DNAH6: variants seen among roughly 807,000 people sequenced by gnomAD.
The protein encoded by DNAH6 is dynein axonemal heavy chain 6.
DNAH6 carries 340 observed loss-of-function variants against 491.4 expected under a neutral mutation model. The ratio of observed to expected loss-of-function variants is 0.69; its 90% CI spans 0.63 to 0.76. DNAH6 has a LOEUF of 0.76. Ranked by LOEUF, DNAH6 falls within the 30% of genes least tolerant of loss-of-function variation. The probability of loss-of-function intolerance (pLI) is 0.00; values close to 1 mark genes in which losing one functional copy is unlikely to be tolerated. For synonymous variants in DNAH6, 1,603 were observed against 1,686.1 expected (o/e 0.95, Z 1.21); for missense variants, 4,443 against 4,972.2 (o/e 0.89, Z 3.20).
chr2:84,501,294 G>A, the DNAH6 span, among the ~76,000 whole-genome samples: 2 of 152,076 alleles, frequency 1.3e-5, no homozygotes, highest in Non-Finnish European at 2.9e-5. Flanking sequence ...ATATGGTTGT[G>A]TCCTTTCTTC....
At chr2:84,496,026 C>G in the DNAH6 span, among the ~76,000 whole-genome samples, 4 of 152,320 alleles carry the variant, frequency 2.6e-5, no homozygotes, top group African/African-American at 7.2e-5. Flanking sequence ...TCTCCCACTC[C>G]CACCTCCACG....
chr2:84,487,597 T>C, the DNAH6 span, among the ~76,000 whole-genome samples: 1 of 152,240 alleles, frequency 6.6e-6, no homozygotes, highest in East Asian at 1.9e-4. Flanking sequence ...TTATCTCTTG[T>C]ATTAAAGTCA....
chr2:84,808,467 A>G lies in DNAH6; in HGVS notation c.11664A>G (p.Gln3888=). 1 of 1,546,502 alleles carries G rather than the reference A, an allele frequency of 6.5e-7. No individual in the cohort carries two copies. Among genetic ancestry groups the G allele is most frequent in the Non-Finnish European group, 8.7e-7 (1 of 1,145,708 alleles). ...AGAGCCTTTTTGTCAAGGATCTTCA[A>G]GGACGTCTGAACTCCTTGACCACCG... The part of the protein sequence containing the change: ...ASESLFVKDL[Q]GRLNSLTTVL... The change falls in exon 72 of 77, where the codon CAA becomes CAG. Residue 3888 remains glutamine (Q), a synonymous_variant. Transcript: ENST00000389394.
chr2:84,781,409 G>C, intron 64 of DNAH6, 84 bp from the exon 65 acceptor site: 1 of 1,128,724 alleles, frequency 8.9e-7, no homozygotes, highest in Non-Finnish European at 1.2e-6. Flanking sequence ...TCCTAAGCAA[G>C]AGTCTACTGT....
At chr2:84,611,990 A>C in intron 22 of DNAH6, 136 bp downstream of exon 22, 8 of 667,516 alleles carry the variant, frequency 1.2e-5, no homozygotes, top group Non-Finnish European at 1.9e-5. Flanking sequence ...GTCAGCATGG[A>C]TGACTAGGAA....
rs745919843 is a variant in DNAH6 at position 84,577,316 on chromosome 2, G to C, written c.1984G>C (p.Ala662Pro). Residue 662 changes from alanine to proline, a missense_variant, in exon 13 of 77, where the codon GCG becomes CCG. Ala to Pro is a conservative substitution (Grantham distance 27). Coordinates refer to ENST00000389394, the MANE Select transcript of DNAH6 (RefSeq NM_001370.2). ...KYHKQHKDAV[A>P]LRPTRNVGLL... ...TCACAAACAGCACAAGGACGCAGTA[G>C]CGCTCAGACCCACCAGAAATGTAGG... 12 of 1,609,480 alleles carry C rather than the reference G, an allele frequency of 7.5e-6. No homozygotes were observed. Among genetic ancestry groups the C allele is most frequent in the Non-Finnish European group, 8.5e-7 (1 of 1,178,192 alleles).
intron 10 of DNAH6, among the ~76,000 whole-genome samples, chr2:84,557,502 T>C (rs1427598578): frequency 6.7e-6 from 1 of 148,624 alleles, no homozygotes; most frequent in Non-Finnish European, 1.5e-5. Context: ...AAAAAAAAAT[T>C]AGCTGGGCGC....
the DNAH6 span, among the ~76,000 whole-genome samples, chr2:84,481,390 G>C: frequency 6.6e-6 from 1 of 152,174 alleles, no homozygotes; most frequent in Admixed American, 6.5e-5. Flanking sequence ...AAAGAAACAA[G>C]ATGTACTTTG....
chr2:84,658,567 C>A, intron 36 of DNAH6, 93 bp downstream of exon 36: 1 of 933,952 alleles, frequency 1.1e-6, no homozygotes, highest in Non-Finnish European at 1.5e-6. Context: ...AAAATATAAC[C>A]ATTTGATTTT....
intron 37 of DNAH6, among the ~76,000 whole-genome samples, chr2:84,661,247 T>A (rs1158087898): frequency 1.3e-5 from 2 of 152,014 alleles, no homozygotes; most frequent in Admixed American, 6.6e-5. Context: ...GGTCATGAAA[T>A]CAAGTGAAAG....
At chr2:84,570,985 C>T (rs943642232) in intron 11 of DNAH6, among the ~76,000 whole-genome samples, 3 of 152,118 alleles carry the variant, frequency 2.0e-5, no homozygotes, top group Admixed American at 2.0e-4. Flanking sequence ...TAACACTCAC[C>T]GTGAGAGTCC....
At chr2:84,677,492 C>T (rs2104706576) in intron 41 of DNAH6, among the ~76,000 whole-genome samples, 1 of 152,324 alleles carries the variant, frequency 6.6e-6, no homozygotes, top group Non-Finnish European at 1.5e-5. Context: ...TATCCCTAAC[C>T]ACCAGGTCTG....
At position 84,681,432 on chromosome 2, in the gene DNAH6, G is replaced by A; in HGVS notation, c.6820G>A (p.Val2274Ile). 9 of 1,551,544 alleles carry A rather than the reference G, an allele frequency of 5.8e-6. No individual in the cohort carries two copies. The highest frequency in any genetic ancestry group is 7.8e-6 in the Non-Finnish European group (9 of 1,146,898). Reference sequence around the variant, plus strand: ...TGCATCAAGCATTGTAGAAGCCTCAGTTGAGATTTATAACAAAATGAGTGT... The same window carrying A: ...TGCATCAAGCATTGTAGAAGCCTCAATTGAGATTTATAACAAAATGAGTGT... ...QTASSIVEAS[V>I]EIYNKMSVDL... The change falls in exon 42 of 77, where the codon GTT becomes ATT. Residue 2274 changes from valine to isoleucine, a missense_variant. This residue lies in a region of DNAH6 where 2,977 missense variants were observed against 3,296.6 expected (regional missense o/e 0.90). Coordinates refer to ENST00000389394, the MANE Select transcript of DNAH6 (RefSeq NM_001370.2).
At chr2:84,530,058 G>A (rs188771570) in intron 4 of DNAH6, among the ~76,000 whole-genome samples, 46 of 152,274 alleles carry the variant, frequency 3.0e-4, no homozygotes, top group East Asian at 1.4e-3. Context: ...AAATGCAATC[G>A]TTCAGCAAAA....
chr2:84,720,573 C>T (rs569557207), intron 59 of DNAH6, among the ~76,000 whole-genome samples: 13 of 152,094 alleles, frequency 8.5e-5, no homozygotes, highest in South Asian at 6.2e-4. Context: ...CCACCGCGCC[C>T]GGCCGAGTGC....
In DNAH6 at chr2:84,640,552, T is replaced by C; in HGVS notation, c.4944T>C (p.Ala1648=). 6.4e-7 allele frequency: 1 copy of C among 1,550,816 alleles called. No individual in the cohort carries two copies. Among genetic ancestry groups the C allele is most frequent in the Non-Finnish European group, 8.7e-7 (1 of 1,146,488 alleles). The change falls in exon 32 of 77, where the codon GCT becomes GCC. Residue 1648 remains alanine (A), a synonymous_variant. Transcript: ENST00000389394. ...ATCACTACGACTTTGGCATGAGAGC[T>C]GTGAAGTCTGTCCTGGTCATGGCTG... ...QQDHYDFGMR[A]VKSVLVMAGS...
Position 84,584,200 on chromosome 2 carries a change from GATCTTGAAGA to G in DNAH6, c.2434_2443del (p.Leu812Ter), listed in dbSNP as rs1558753779. On this transcript the variant is annotated frameshift_variant, in exon 15 of 77. Coordinates refer to ENST00000389394, the MANE Select transcript of DNAH6 (RefSeq NM_001370.2). LOFTEE classifies it high-confidence loss of function. ...GCAATTTTGTGTGCATTTGGGTAGT[GATCTTGAAGA>G]ATTAAACAACGAAGTGAATGAAGTA... The G allele has an allele frequency of 6.2e-7, 1 of 1,614,164 alleles. No homozygotes were observed. Among genetic ancestry groups the G allele is most frequent in the South Asian group, 1.1e-5 (1 of 91,068 alleles).
intron 15 of DNAH6, among the ~76,000 whole-genome samples, chr2:84,586,141 C>T (rs973544538): frequency 6.6e-6 from 1 of 152,236 alleles, no homozygotes; most frequent in Non-Finnish European, 1.5e-5. Context: ...GAAGCAGGCA[C>T]TTCCAAGCCT....
In DNAH6 at chr2:84,805,878, C is replaced by T. The variant is rs1284706333; in HGVS notation, c.11611+84C>T. ...ACTGAGTGATAAACAGGTGTCAAAA[C>T]CTGCTTATTATGTAGACTTTTTTTA... On this transcript the variant is annotated intron_variant, in intron 71 of 76. Coordinates refer to ENST00000389394, the MANE Select transcript of DNAH6 (RefSeq NM_001370.2). The T allele has an allele frequency of 5.4e-6, 7 of 1,284,462 alleles. No homozygotes were observed. In the African/African-American group the frequency reaches 7.6e-5, roughly 14 times the overall value. 79.6% of individuals were successfully genotyped at this position (1,284,462 alleles called of 1,614,324 possible).
Sources: gnomAD v4.1 joint callset for allele counts (sites outside exome capture counted in the v4.1 genomes callset) on GRCh38, gnomAD v4.1.1 for gene constraint, gnomAD v4.1.1 regional missense constraint, MANE v1.5 for transcripts, NCBI Gene and HGNC (gene_info 2026-07-23, HGNC 2026-07-21) for gene names.